The following CWC27 variants were observed in gnomAD, a reference collection of about 807,000 sequenced individuals.
CWC27 encodes the protein CWC27 spliceosome associated cyclophilin.
Under a neutral mutation model 63.6 loss-of-function variants are expected in CWC27, and 47 were observed. The observed-to-expected ratio is 0.74, with a 90% CI of 0.58 to 0.94. CWC27 has a LOEUF of 0.94. CWC27 is among the 40% of genes least tolerant of loss of function. The pLI is 0.00. For missense variants in CWC27, 495 were observed against 554.3 expected, an observed-to-expected ratio of 0.89 and a Z score of 1.07; for synonymous variants, 175 against 179.8, an observed-to-expected ratio of 0.97 and a Z score of 0.22.
chr5:64,975,010 T>C (rs1167601635), intron 12 of CWC27, among the ~76,000 whole-genome samples: 1 of 152,194 alleles, frequency 6.6e-6, no homozygotes, highest in African/African-American at 2.4e-5. Flanking sequence ...AATGCTAACA[T>C]ACTCTGCAGC....
At chr5:64,813,758 T>A (rs1021863224) in intron 10 of CWC27, among the ~76,000 whole-genome samples, 1 of 152,214 alleles carries the variant, frequency 6.6e-6, no homozygotes, top group Non-Finnish European at 1.5e-5. Flanking sequence ...CTGGCCTTTT[T>A]AGGCCATATA....
chr5:64,931,261 C>G (rs1041644102), intron 11 of CWC27, among the ~76,000 whole-genome samples: 32 of 151,700 alleles, frequency 2.1e-4, no homozygotes, highest in Non-Finnish European at 1.9e-4. Flanking sequence ...AACCTAGTCT[C>G]AAATGATTGA....
chr5:64,983,027 A>C (rs1164090466), intron 13 of CWC27, among the ~76,000 whole-genome samples: 1 of 152,198 alleles, frequency 6.6e-6, no homozygotes, highest in Non-Finnish European at 1.5e-5. Flanking sequence ...GGTCTGAAAC[A>C]GAACAGTTTC....
chr5:64,894,561 G>C (rs960979149), intron 11 of CWC27, among the ~76,000 whole-genome samples: 1 of 152,110 alleles, frequency 6.6e-6, no homozygotes, highest in African/African-American at 2.4e-5. Context: ...AATGACAAAA[G>C]ATTATTATGT....
At chr5:64,986,884 A>G (rs1278617767) in intron 13 of CWC27, among the ~76,000 whole-genome samples, 2 of 152,150 alleles carry the variant, frequency 1.3e-5, no homozygotes, top group Admixed American at 6.6e-5. Context: ...ACTTTACCCT[A>G]TGACCTCAAC....
chr5:64,783,739 T>A, intron 3 of CWC27, 97 bp from the exon 4 acceptor site: 11 of 1,048,056 alleles, frequency 1.0e-5, no homozygotes, highest in Non-Finnish European at 1.2e-5. Context: ...CTGCATTTTT[T>A]ATTAGAAGTT....
At chr5:64,835,447 G>A (rs921753957) in intron 10 of CWC27, among the ~76,000 whole-genome samples, 1 of 151,658 alleles carries the variant, frequency 6.6e-6, no homozygotes, top group African/African-American at 2.4e-5. Context: ...CTGAATGTTT[G>A]GCAAAGATAA....
intron 11 of CWC27, among the ~76,000 whole-genome samples, chr5:64,951,657 C>T (rs548618169): frequency 6.6e-6 from 1 of 151,980 alleles, no homozygotes; most frequent in South Asian, 2.1e-4. Context: ...TCAGCCCCCA[C>T]TTCCCCTGTG....
At chr5:64,891,658 A>T (rs1027025745) in intron 11 of CWC27, among the ~76,000 whole-genome samples, 2 of 152,172 alleles carry the variant, frequency 1.3e-5, no homozygotes, top group Non-Finnish European at 2.9e-5. Context: ...ACCCTACATT[A>T]TAGGCATATT....
chr5:64,884,982 C>T (rs530858468), intron 10 of CWC27, among the ~76,000 whole-genome samples: 24 of 152,236 alleles, frequency 1.6e-4, no homozygotes, highest in Admixed American at 3.9e-4. Flanking sequence ...AAGTTTGTAG[C>T]GTGACACCTA....
In CWC27 at chr5:64,783,989, C is replaced by G. The variant is rs752194798; in HGVS notation, c.396+10C>G. On this transcript the variant is annotated intron_variant, in intron 4 of 13. Transcript: ENST00000381070. ...TACCATCTTTGGAAAGGTTAGTGTC[C>G]AGTGATTTTAAACCTGTGGTTCAGT... The G allele has an allele frequency of 5.2e-6, 8 of 1,552,700 alleles. No homozygotes were observed. The highest frequency in any genetic ancestry group is 2.0e-5 in the Admixed American group (1 of 49,422).
At chr5:64,971,849 G>A (rs367684824) in intron 12 of CWC27, 37 bp downstream of exon 12, 7 of 1,370,868 alleles carry the variant, frequency 5.1e-6, no homozygotes, top group Non-Finnish European at 6.1e-6. Flanking sequence ...AGAACTTATT[G>A]TCTTTTTATT....
chr5:64,881,382 G>A (rs1183912435), intron 10 of CWC27, among the ~76,000 whole-genome samples: 1 of 152,082 alleles, frequency 6.6e-6, no homozygotes, highest in Admixed American at 6.5e-5. Context: ...TTAGAAGCAA[G>A]CATTGTGCAT....
At chr5:64,931,663 G>A (rs999042596) in intron 11 of CWC27, among the ~76,000 whole-genome samples, 1 of 151,618 alleles carries the variant, frequency 6.6e-6, no homozygotes, top group African/African-American at 2.4e-5. Context: ...AACTACTCAC[G>A]ACTCAGAAGT....
At position 64,840,374 on chromosome 5, in the gene CWC27, AAAAAAAAAAAAAAAAAAAAAATATATAT is replaced by A. The variant is rs1489893664; in HGVS notation, c.938+35990_938+36017del. 2.2e-3 allele frequency among the ~76,000 whole-genome samples: 122 copies of A among 54,728 alleles called. 1 individual carries two copies. Among genetic ancestry groups the A allele is most frequent in the African/African-American group, 9.4e-3 (116 of 12,348 alleles). 35.9% of individuals were successfully genotyped at this position (54,728 alleles called of 152,430 possible). ...TATCCTTTTTCATTAAAAAAAAAAAAAAAAAAAAAAAAAAAAAAAAATATATATATATATATATATATATATATATATA... is the reference window on the plus strand; with the variant it reads ...TATCCTTTTTCATTAAAAAAAAAAAAATATATATATATATATATATATATA... On this transcript the variant is annotated intron_variant, in intron 10 of 13. Coordinates refer to ENST00000381070, the MANE Select transcript of CWC27 (RefSeq NM_005869.4).
chr5:64,984,034 T>G (rs981452612), intron 13 of CWC27, among the ~76,000 whole-genome samples: 1 of 152,146 alleles, frequency 6.6e-6, no homozygotes, highest in Non-Finnish European at 1.5e-5. Context: ...GGTTTCACCA[T>G]GTTGGTCAGA....
chr5:64,933,267 G>T (rs1361396438), intron 11 of CWC27, among the ~76,000 whole-genome samples: 2 of 152,116 alleles, frequency 1.3e-5, no homozygotes, highest in Non-Finnish European at 2.9e-5. Flanking sequence ...ATATTTAATA[G>T]AATTAAATCC....
chr5:64,801,351 A>G lies in CWC27; in HGVS notation c.780+19A>G. The G allele has an allele frequency of 3.7e-6, 5 of 1,357,794 alleles. No individual in the cohort carries two copies. Among genetic ancestry groups the G allele is most frequent in the Non-Finnish European group, 3.9e-6 (4 of 1,015,808 alleles). The allele number at this position is 1,357,794 out of a possible 1,614,324, so 84.1% of individuals were successfully genotyped here. ...AGTTGATGTAAGTATTTATTTTGGT[A>G]TTAATATAGTTTGAACAATTCATAG... is the stretch of plus-strand genomic sequence containing the variant. On this transcript the variant is annotated intron_variant, in intron 9 of 13. Transcript: ENST00000381070.
At chr5:64,939,473 G>T (rs1331599979) in intron 11 of CWC27, among the ~76,000 whole-genome samples, 1 of 152,158 alleles carries the variant, frequency 6.6e-6, no homozygotes, top group Admixed American at 6.5e-5. Context: ...ATTGCTGCCT[G>T]TTCCTTCTTC....
Sources: allele counts gnomAD v4.1 joint callset (sites outside exome capture counted in the v4.1 genomes callset), GRCh38; gene constraint gnomAD v4.1.1; transcripts MANE v1.5; gene names NCBI Gene and HGNC (gene_info 2026-07-23, HGNC 2026-07-21).